MTUS1: variants seen among roughly 807,000 people sequenced by gnomAD.
The protein encoded by MTUS1 is microtubule associated scaffold protein 1, also known as microtubule-associated tumor suppressor 1.
A neutral mutation model predicts 120.8 loss-of-function variants in MTUS1; 109 were observed. The ratio of observed to expected loss-of-function variants is 0.90; its 90% CI spans 0.77 to 1.06. The LOEUF (loss-of-function observed/expected upper bound fraction) is 1.06. Among genes scored for constraint, MTUS1 ranks in the 50% least tolerant of loss-of-function variants. MTUS1 has a pLI of 0.00. For synonymous variants in MTUS1, 737 were observed against 550.5 expected (o/e 1.34, Z -4.74); for missense variants, 2,210 against 1,486.3 (o/e 1.49, Z -8.01).
chr8:17,665,369 C>G (rs1196738432), intron 8 of MTUS1, among the ~76,000 whole-genome samples: 1 of 152,176 alleles, frequency 6.6e-6, no homozygotes. Context: ...GCCACTTCAC[C>G]TTTAAAACTC....
intron 7 of MTUS1, 28 bp downstream of exon 7, chr8:17,684,300 A>C: frequency 6.3e-7 from 1 of 1,584,218 alleles, no homozygotes. Flanking sequence ...TCAAGTAGAA[A>C]GGCTCTTTCT....
chr8:17,658,241 G>T (rs994881285), intron 8 of MTUS1, among the ~76,000 whole-genome samples: 6 of 152,064 alleles, frequency 3.9e-5, no homozygotes, highest in Non-Finnish European at 5.9e-5. Flanking sequence ...TTACCATGTT[G>T]GTCAGGCTGT....
At chr8:17,684,964 C>T (rs1001303707) in intron 6 of MTUS1, among the ~76,000 whole-genome samples, 4 of 152,194 alleles carry the variant, frequency 2.6e-5, no homozygotes, top group African/African-American at 9.7e-5. Flanking sequence ...AAATGCCTTT[C>T]TCTCCTCCCA....
Position 17,673,045 on chromosome 8 carries a change from C to T in MTUS1, c.2905+2141G>A, listed in dbSNP as rs79662113. ...GTGAACCTCTAGGTAGGCTCACCTC[C>T]ACTTCCACTGGGTTATAATGAACTC... On this transcript the variant is annotated intron_variant, in intron 8 of 14. Coordinates refer to ENST00000693296, the MANE Select transcript of MTUS1 (RefSeq NM_001363059.2). 7.9e-3 allele frequency among the ~76,000 whole-genome samples: 1,208 copies of T among 152,340 alleles called. 19 individuals are homozygous for T. Among genetic ancestry groups the T allele is most frequent in the African/African-American group, 0.028 (1,147 of 41,574 alleles).
chr8:17,735,472 C>G (rs2046862038), intron 3 of MTUS1, among the ~76,000 whole-genome samples: 1 of 152,210 alleles, frequency 6.6e-6, no homozygotes, highest in South Asian at 2.1e-4. Flanking sequence ...CTCTACCTCC[C>G]TCGAGGCAGA....
chr8:17,737,195 C>T lies in MTUS1; in HGVS notation c.2287+6409G>A, dbSNP rs1460287410. 4.6e-5 allele frequency among the ~76,000 whole-genome samples: 7 copies of T among 152,344 alleles called. No individual in the cohort carries two copies. The East Asian group carries it at 1.4e-3, about 29-fold the overall frequency. The stretch of plus-strand genomic sequence containing the variant: ...CCAGAACACCCGGCCCATTTCCCGT[C>T]TCCACCAATTACCCCACTGTGTAAC... On this transcript the variant is annotated intron_variant, in intron 3 of 14. Transcript: ENST00000693296.
intron 13 of MTUS1, 95 bp from the exon 14 acceptor site, chr8:17,647,174 T>C (rs1585370774): frequency 1.1e-6 from 1 of 908,508 alleles, no homozygotes; most frequent in Non-Finnish European, 1.7e-6. Context: ...ACTTTGGAGA[T>C]TTAATTAAGG....
chr8:17,647,152 C>T (rs184419496), intron 13 of MTUS1, 73 bp from the exon 14 acceptor site: 67 of 1,122,752 alleles, frequency 6.0e-5, no homozygotes, highest in East Asian at 3.6e-4. Flanking sequence ...AGGCACCTCA[C>T]GACACAAGCA....
At chr8:17,781,769 G>C (rs2050895329) in intron 1 of MTUS1, among the ~76,000 whole-genome samples, 1 of 152,198 alleles carries the variant, frequency 6.6e-6, no homozygotes, top group Non-Finnish European at 1.5e-5. Context: ...TCTGGCATCA[G>C]GAAGGCAGTG....
chr8:17,775,937 CATT>C (rs2050393830), intron 1 of MTUS1, among the ~76,000 whole-genome samples: 1 of 152,228 alleles, frequency 6.6e-6, no homozygotes, highest in African/African-American at 2.4e-5. Flanking sequence ...GCCGCCAAGC[CATT>C]CAGCATCAGC....
chr8:17,796,948 C>A (rs574728100), intron 1 of MTUS1, among the ~76,000 whole-genome samples: 1 of 152,282 alleles, frequency 6.6e-6, no homozygotes, highest in African/African-American at 2.4e-5. Context: ...CCTGTCTCCA[C>A]TAAAAATACA....
intron 6 of MTUS1, chr8:17,706,020 T>A (rs1302959275): frequency 6.6e-6 from 1 of 152,178 alleles, no homozygotes; most frequent in Non-Finnish European, 1.5e-5. Flanking sequence ...TGCAGCGTCA[T>A]AACGTTTAAA....
chr8:17,789,737 C>T (rs2051614549), intron 1 of MTUS1, among the ~76,000 whole-genome samples: 1 of 152,196 alleles, frequency 6.6e-6, no homozygotes, highest in African/African-American at 2.4e-5. Flanking sequence ...CAGAAGGTGA[C>T]TGTATATACA....
At chr8:17,661,316 T>A (rs1268389368) in intron 8 of MTUS1, among the ~76,000 whole-genome samples, 1 of 152,126 alleles carries the variant, frequency 6.6e-6, no homozygotes, top group Non-Finnish European at 1.5e-5. Flanking sequence ...TTGCTTCTCT[T>A]AAAATTTCCG....
chr8:17,773,520 C>G (rs1166238133), intron 1 of MTUS1, among the ~76,000 whole-genome samples: 1 of 152,152 alleles, frequency 6.6e-6, no homozygotes, highest in East Asian at 1.9e-4. Context: ...TCATTTAGCT[C>G]AGGGTTCTGC....
At chr8:17,679,892 A>G (rs753012237) in intron 7 of MTUS1, among the ~76,000 whole-genome samples, 2 of 152,220 alleles carry the variant, frequency 1.3e-5, no homozygotes, top group Admixed American at 6.5e-5. Flanking sequence ...GAACATTTAC[A>G]TAAGACTTTA....
intron 1 of MTUS1, among the ~76,000 whole-genome samples, chr8:17,786,113 C>T (rs1161344139): frequency 1.3e-5 from 2 of 152,170 alleles, no homozygotes; most frequent in African/African-American, 4.8e-5. Flanking sequence ...GCACTCCAGC[C>T]TGGGTGACAG....
intron 3 of MTUS1, among the ~76,000 whole-genome samples, chr8:17,739,313 G>A (rs1016461210): frequency 6.6e-6 from 1 of 151,838 alleles, no homozygotes; most frequent in Admixed American, 6.6e-5. Flanking sequence ...GACCAACATG[G>A]AGAAACCCTA....
At chr8:17,690,020 G>C (rs934599847) in intron 6 of MTUS1, among the ~76,000 whole-genome samples, 1 of 152,090 alleles carries the variant, frequency 6.6e-6, no homozygotes, top group African/African-American at 2.4e-5. Flanking sequence ...AACAAAAATA[G>C]ACAAATGGGA....
Sources: allele counts gnomAD v4.1 joint callset (sites outside exome capture counted in the v4.1 genomes callset), GRCh38; gene constraint gnomAD v4.1.1; transcripts MANE v1.5; gene names NCBI Gene and HGNC (gene_info 2026-07-23, HGNC 2026-07-21).